Variants in MCTP1 observed in about 807,000 individuals in gnomAD.
MCTP1 encodes the protein multiple C2 and transmembrane domain-containing protein 1.
Under a neutral mutation model 120.6 loss-of-function variants are expected in MCTP1, and 69 were observed. The ratio of observed to expected loss-of-function variants is 0.57; its 90% confidence interval spans 0.47 to 0.70. The LOEUF is 0.70. Among genes scored for constraint, MCTP1 ranks in the 30% least tolerant of loss-of-function variants. MCTP1 has a pLI of 0.00. For missense variants in MCTP1, 1,203 were observed against 1,248.8 expected (o/e 0.96, Z 0.55); for synonymous variants, 529 against 493.1 (o/e 1.07, Z -0.96).
chr5:94,884,942 C>G (rs1192392717), intron 12 of MCTP1, among the ~76,000 whole-genome samples: 1 of 152,156 alleles, frequency 6.6e-6, no homozygotes, highest in Non-Finnish European at 1.5e-5. Context: ...CTCTTAATAA[C>G]TAGTAGGTTT....
intron 1 of MCTP1, among the ~76,000 whole-genome samples, chr5:95,101,781 A>G (rs1473640318): frequency 2.0e-5 from 3 of 152,258 alleles, no homozygotes; most frequent in Non-Finnish European, 2.9e-5. Context: ...AATGAAATGA[A>G]GAACCTGAAT....
intron 20 of MCTP1, among the ~76,000 whole-genome samples, chr5:94,713,655 A>G (rs997114663): frequency 6.6e-6 from 1 of 152,190 alleles, no homozygotes; most frequent in African/African-American, 2.4e-5. Context: ...GAGAGAAAAG[A>G]TACGGGAATA....
At chr5:95,168,503 C>G (rs909402957) in intron 1 of MCTP1, among the ~76,000 whole-genome samples, 1 of 152,124 alleles carries the variant, frequency 6.6e-6, no homozygotes, top group African/African-American at 2.4e-5. Flanking sequence ...GCCATTTTCA[C>G]GATATTGATT....
At chr5:95,154,546 T>A (rs144658875) in intron 1 of MCTP1, among the ~76,000 whole-genome samples, 85 of 152,290 alleles carry the variant, frequency 5.6e-4, no homozygotes, top group African/African-American at 2.0e-3. Flanking sequence ...TAATTAGGAA[T>A]TTTTTAGCTT....
chr5:95,282,189 A>T (rs921986322), intron 1 of MCTP1, among the ~76,000 whole-genome samples: 3 of 152,242 alleles, frequency 2.0e-5, no homozygotes, highest in African/African-American at 7.2e-5. Context: ...TTTTGTATAC[A>T]AAATTCATAC....
At chr5:95,049,240 G>A (rs940334823) in intron 1 of MCTP1, among the ~76,000 whole-genome samples, 4 of 152,020 alleles carry the variant, frequency 2.6e-5, no homozygotes, top group Non-Finnish European at 5.9e-5. Context: ...TCTGGGTTTC[G>A]CACTTCCCGT....
At chr5:94,889,352 G>A (rs538610625) in intron 11 of MCTP1, among the ~76,000 whole-genome samples, 2 of 152,250 alleles carry the variant, frequency 1.3e-5, no homozygotes, top group African/African-American at 4.8e-5. Flanking sequence ...ACTTTGGGAA[G>A]CTGAGGTGGG....
At chr5:95,035,627 C>T (rs1841151151) in intron 1 of MCTP1, among the ~76,000 whole-genome samples, 1 of 151,972 alleles carries the variant, frequency 6.6e-6, no homozygotes, top group Admixed American at 6.6e-5. Flanking sequence ...ACTATGTTCA[C>T]TATTTGGGTG....
chr5:94,990,891 A>G (rs1339706773), intron 2 of MCTP1, among the ~76,000 whole-genome samples: 2 of 44,014 alleles, frequency 4.5e-5, no homozygotes, highest in African/African-American at 9.5e-5. Flanking sequence ...CCTGGTTATG[A>G]CCAGCCCTCT....
chr5:95,241,654 T>C (rs1190802757), intron 1 of MCTP1, among the ~76,000 whole-genome samples: 2 of 152,172 alleles, frequency 1.3e-5, no homozygotes, highest in African/African-American at 2.4e-5. Flanking sequence ...CCTCAGAACA[T>C]AGTGCTCCTG....
intron 1 of MCTP1, among the ~76,000 whole-genome samples, chr5:95,177,232 T>C (rs1748103564): frequency 6.6e-6 from 1 of 152,076 alleles, no homozygotes; most frequent in African/African-American, 2.4e-5. Context: ...AATTGGCTCC[T>C]GTGATTGTGG....
At chr5:94,892,375 C>T (rs1161763249) in intron 11 of MCTP1, among the ~76,000 whole-genome samples, 1 of 152,212 alleles carries the variant, frequency 6.6e-6, no homozygotes, top group Non-Finnish European at 1.5e-5. Context: ...TCTAAACTAG[C>T]TCCTCTGGTT....
chr5:94,751,220 A>C (rs533857220), intron 19 of MCTP1, among the ~76,000 whole-genome samples: 2 of 152,252 alleles, frequency 1.3e-5, no homozygotes, highest in East Asian at 3.9e-4. Flanking sequence ...TTAGTAATAG[A>C]AAAAATGATG....
intron 2 of MCTP1, among the ~76,000 whole-genome samples, chr5:95,004,765 C>T (rs1250819191): frequency 2.0e-5 from 3 of 152,216 alleles, no homozygotes; most frequent in Non-Finnish European, 2.9e-5. Flanking sequence ...TATGGAAACA[C>T]CTGGATGTCC....
chr5:94,794,330 A>T (rs1205461040), intron 18 of MCTP1, among the ~76,000 whole-genome samples: 1 of 152,266 alleles, frequency 6.6e-6, no homozygotes, highest in Non-Finnish European at 1.5e-5. Flanking sequence ...GACTCTTCCC[A>T]TGCTCACCTT....
At chr5:95,082,925 G>A (rs1354703112) in intron 1 of MCTP1, among the ~76,000 whole-genome samples, 4 of 152,146 alleles carry the variant, frequency 2.6e-5, no homozygotes, top group Admixed American at 6.5e-5. Flanking sequence ...TACCTCCCCT[G>A]AAGTAACCTT....
chr5:94,932,108 C>A, intron 5 of MCTP1, 117 bp from the exon 6 acceptor site: 1 of 605,630 alleles, frequency 1.7e-6, no homozygotes, highest in Non-Finnish European at 2.9e-6. Context: ...GTTCCTGCAG[C>A]AATTATACAA....
intron 2 of MCTP1, among the ~76,000 whole-genome samples, chr5:94,969,074 C>G (rs1176030472): frequency 2.0e-5 from 3 of 151,806 alleles, no homozygotes; most frequent in Admixed American, 2.0e-4. Context: ...TATCCTAGAC[C>G]TAGGAAATAT....
chr5:95,132,816 T>C (rs957748128), intron 1 of MCTP1, among the ~76,000 whole-genome samples: 1 of 152,212 alleles, frequency 6.6e-6, no homozygotes, highest in Non-Finnish European at 1.5e-5. Context: ...ACATATTGGG[T>C]GACTACTTGA....
Sources: allele counts gnomAD v4.1 joint callset (sites outside exome capture counted in the v4.1 genomes callset), GRCh38; gene constraint gnomAD v4.1.1; transcripts MANE v1.5; gene names NCBI Gene and HGNC (gene_info 2026-07-23, HGNC 2026-07-21).